Variants in ZSCAN20 observed in about 807,000 individuals in gnomAD.
ZSCAN20 encodes zinc finger and SCAN domain containing 20.
In ZSCAN20, 39 loss-of-function variants were observed where a neutral mutation model predicts 97.1. The ratio of observed to expected loss-of-function variants is 0.40; its 90% CI spans 0.31 to 0.52. The LOEUF (loss-of-function observed/expected upper bound fraction) is 0.52, where lower values mean the gene tolerates loss of function less well. ZSCAN20 is among the 20% of genes least tolerant of loss of function. The pLI is 0.49. For missense variants in ZSCAN20, 1,115 were observed against 1,290.4 expected (o/e 0.86, Z 2.08); for synonymous variants, 456 against 467.3 (o/e 0.98, Z 0.31).
At chr1:33,486,403 T>C (rs1417445463) in intron 2 of ZSCAN20, among the ~76,000 whole-genome samples, 1 of 152,242 alleles carries the variant, frequency 6.6e-6, no homozygotes, top group African/African-American at 2.4e-5. Context: ...TCTCTGATTC[T>C]ACCTGTTTGT....
intron 3 of ZSCAN20, 47 bp downstream of exon 3, chr1:33,488,698 G>T: frequency 6.4e-7 from 1 of 1,572,236 alleles, no homozygotes; most frequent in Non-Finnish European, 8.6e-7. Flanking sequence ...CTGCAGGGGA[G>T]AGGGATGGGA....
chr1:33,491,899 T>C lies in ZSCAN20; in HGVS notation c.1444+197T>C. On this transcript the variant is annotated intron_variant, in intron 6 of 7. Coordinates refer to ENST00000684572, the MANE Select transcript of ZSCAN20 (RefSeq NM_001377376.1). The surrounding 1 kb of genome is among the most constrained non-coding windows in gnomAD (Gnocchi z 4.3). ...CTCTTTGCAAAAGTCTTCTTAGTTA[T>C]AGAAGCAAACATTTTTAAAGCCTTA... 2.0e-6 allele frequency: 1 copy of C among 488,980 alleles called. No homozygotes were observed. The highest frequency in any genetic ancestry group is 3.4e-6 in the Non-Finnish European group (1 of 292,018). The allele number at this position is 488,980 out of a possible 1,614,324, so 30.3% of individuals were successfully genotyped here. A position where few individuals can be genotyped will look rare whatever the true frequency, so the allele number is the denominator to read the frequency against.
intron 6 of ZSCAN20, chr1:33,492,658 C>G (rs748969654): frequency 9.2e-5 from 14 of 151,760 alleles, no homozygotes; most frequent in Non-Finnish European, 2.1e-4. Context: ...CACCTGTAAT[C>G]CCAGCTACTC....
In ZSCAN20 at chr1:33,489,193, T is replaced by C. The variant is rs1369217581; in HGVS notation, c.681+2T>C. 2 of 1,613,530 alleles carry C rather than the reference T, an allele frequency of 1.2e-6. No homozygotes were observed. The highest frequency in any genetic ancestry group is 1.7e-6 in the Non-Finnish European group (2 of 1,179,654). On this transcript the variant is annotated splice_donor_variant, in intron 4 of 7. Coordinates refer to ENST00000684572, the MANE Select transcript of ZSCAN20 (RefSeq NM_001377376.1). LOFTEE classifies it high-confidence loss of function. ...TGGGAGGTGACAGCTGAGTCCCAGG[T>C]AAGCTGTTACTCGTTCTTCCTTTCC...
rs1322988185 is a variant in ZSCAN20, at chr1:33,491,426, G to A, written c.1168G>A (p.Ala390Thr). The A allele has an allele frequency of 6.2e-7, 1 of 1,614,210 alleles. No individual in the cohort carries two copies. Among genetic ancestry groups the A allele is most frequent in the East Asian group, 2.2e-5 (1 of 44,890 alleles). ...VKNLLRNYRK[A>T]KSSHPPGTCP... ...AAACCTCCTACGGAATTACCGGAAA[G>A]CCAAGAGCAGCCACCCACCAGGTAC... is the stretch of plus-strand genomic sequence containing the variant. Residue 390 changes from alanine (A) to threonine (T), a missense_variant, in exon 6 of 8, where the codon GCC becomes ACC. Ala to Thr is a moderately conservative substitution (Grantham distance 58, BLOSUM62 0). Coordinates refer to ENST00000684572, the MANE Select transcript of ZSCAN20 (RefSeq NM_001377376.1). This position sits in a 1 kb window ranked among gnomAD's most constrained non-coding sequence, Gnocchi z 4.3.
In ZSCAN20 at chr1:33,489,583, T is replaced by C; in HGVS notation, c.747T>C (p.Cys249=). 6.2e-7 allele frequency: 1 copy of C among 1,614,128 alleles called. No homozygotes were observed. The highest frequency in any genetic ancestry group is 8.5e-7 in the Non-Finnish European group (1 of 1,179,994). ...GTAAAGACCCCCCAGGAGACGACTG[T>C]GGGAACAGCGTGTGCCTGGGTAAGG... ...ELCKDPPGDD[C]GNSVCLGVPV... Residue 249 remains cysteine (C), a synonymous_variant, in exon 5 of 8, where the codon TGT becomes TGC. Transcript: ENST00000684572.
At position 33,501,536 on chromosome 1, in the gene ZSCAN20, A is replaced by ATT. The variant is rs34549868; in HGVS notation, c.*6073_*6074dup. 0.22 allele frequency among the ~76,000 whole-genome samples: 29,478 copies of ATT among 136,530 alleles called. 3,781 individuals carry two copies. The highest frequency in any genetic ancestry group is 0.33 in the African/African-American group (12,035 of 36,830). The allele number at this position is 136,530 out of a possible 152,430, so 89.6% of individuals were successfully genotyped here. A position where few individuals can be genotyped will look rare whatever the true frequency, so the allele number is the denominator to read the frequency against. On this transcript the variant is annotated 3_prime_UTR_variant, in exon 8 of 8. Coordinates refer to ENST00000684572, the MANE Select transcript of ZSCAN20 (RefSeq NM_001377376.1). ...TGCTTTCACTTCCCCATTTTCTGTT[A>ATT]TTTTTTTTTTTTTTGTGCTGTTATG...
At chr1:33,475,868 C>T (rs1388725948) in intron 1 of ZSCAN20, among the ~76,000 whole-genome samples, 1 of 150,958 alleles carries the variant, frequency 6.6e-6, no homozygotes, top group African/African-American at 2.4e-5. Flanking sequence ...CAGGGTTTCA[C>T]CATGTTGGCC....
At position 33,500,317 on chromosome 1, in the gene ZSCAN20, CTGTT is replaced by C; in HGVS notation, c.*4842_*4845del. ...GTGTGCCGCATCTCTCACCTAGTCT[CTGTT>C]AGGAACCCTACAGGAGCCTGCACCC... is the stretch of plus-strand genomic sequence containing the variant. On this transcript the variant is annotated 3_prime_UTR_variant, in exon 8 of 8. Coordinates refer to ENST00000684572, the MANE Select transcript of ZSCAN20 (RefSeq NM_001377376.1). Among the ~76,000 whole-genome samples, 1 of 152,254 alleles carries C rather than the reference CTGTT, an allele frequency of 6.6e-6. No homozygotes were observed. Among genetic ancestry groups the C allele is most frequent in the East Asian group, 1.9e-4 (1 of 5,160 alleles).
At position 33,495,482 on chromosome 1, in the gene ZSCAN20, A is replaced by G. The variant is rs756345112; in HGVS notation, c.*6A>G. On this transcript the variant is annotated 3_prime_UTR_variant, in exon 8 of 8. Transcript: ENST00000684572. ...CAGGAGGGAAGGCGTCGTAGGGGAC[A>G]GTTTCCTCAACAACAAAGGAGGACT... The G allele has an allele frequency of 1.3e-6, 2 of 1,504,850 alleles. No homozygotes were observed. The highest frequency in any genetic ancestry group is 2.2e-5 in the Admixed American group (1 of 45,038). 93.2% of individuals were successfully genotyped at this position (1,504,850 alleles called of 1,614,324 possible).
At position 33,491,882 on chromosome 1, in the gene ZSCAN20, A is replaced by G. The variant is rs1232606545; in HGVS notation, c.1444+180A>G. On this transcript the variant is annotated intron_variant, in intron 6 of 7. Coordinates refer to ENST00000684572, the MANE Select transcript of ZSCAN20 (RefSeq NM_001377376.1). The surrounding 1 kb of genome is among the most constrained non-coding windows in gnomAD (Gnocchi z 4.3). Reference sequence around the variant, plus strand: ...TTTTCCCATGACCAAGTCTCTTTGCAAAAGTCTTCTTAGTTATAGAAGCAA... The same window carrying G: ...TTTTCCCATGACCAAGTCTCTTTGCGAAAGTCTTCTTAGTTATAGAAGCAA... The G allele has an allele frequency of 5.5e-6, 3 of 550,194 alleles. No homozygotes were observed. In the East Asian group the frequency reaches 9.2e-5, roughly 17 times the overall value. The allele number at this position is 550,194 out of a possible 1,614,324, so 34.1% of individuals were successfully genotyped here.
At chr1:33,483,452 A>G (rs1004565718) in intron 2 of ZSCAN20, among the ~76,000 whole-genome samples, 4 of 152,116 alleles carry the variant, frequency 2.6e-5, no homozygotes, top group Admixed American at 2.6e-4. Flanking sequence ...TATAGTTTAT[A>G]GTAAATCTTG....
chr1:33,493,580 A>G lies in ZSCAN20; in HGVS notation c.1838A>G (p.Lys613Arg), dbSNP rs1315666112. ...GAAGTGGCCAATGAAGATGCTGTCA[A>G]ACCTTCAACCTTGTGTCCTAAAGCC... ...WGEVANEDAV[K>R]PSTLCPKAPD... Residue 613 changes from lysine to arginine, a missense_variant, in exon 7 of 8, where the codon AAA (lysine) becomes AGA (arginine). Around this residue, in one of 3 missense-constraint regions of ZSCAN20, gnomAD observed 554 missense variants for 584.9 expected, o/e 0.95. Transcript: ENST00000684572. This position sits in a 1 kb window ranked among gnomAD's most constrained non-coding sequence, Gnocchi z 4.3. The G allele has an allele frequency of 2.5e-6, 4 of 1,598,376 alleles. No homozygotes were observed. Among genetic ancestry groups the G allele is most frequent in the African/African-American group, 1.3e-5 (1 of 74,558 alleles).
rs1652937186 is a variant in ZSCAN20 at position 33,498,043 on chromosome 1, C to A, written c.*2567C>A. Among the ~76,000 whole-genome samples the A allele has an allele frequency of 6.6e-6, 1 of 152,124 alleles. No individual in the cohort carries two copies. The highest frequency in any genetic ancestry group is 2.1e-4 in the South Asian group (1 of 4,830). Reference sequence around the variant, plus strand: ...TCAGTTTCAAATATTGGGCCTAGGACAGAGCTACTTGATAGTGCTGAATGG... The same window carrying A: ...TCAGTTTCAAATATTGGGCCTAGGAAAGAGCTACTTGATAGTGCTGAATGG... On this transcript the variant is annotated 3_prime_UTR_variant, in exon 8 of 8. Coordinates refer to ENST00000684572, the MANE Select transcript of ZSCAN20 (RefSeq NM_001377376.1).
chr1:33,487,713 G>A (rs1204840285), intron 2 of ZSCAN20, among the ~76,000 whole-genome samples: 12 of 152,154 alleles, frequency 7.9e-5, no homozygotes, highest in Admixed American at 7.2e-4. Flanking sequence ...CATGATCATA[G>A]GTCACTGGTA....
intron 2 of ZSCAN20, among the ~76,000 whole-genome samples, chr1:33,487,861 AGGCTGGTCTTGAACCCTT>A (rs1449599933): frequency 6.6e-6 from 1 of 152,134 alleles, no homozygotes. Context: ...TATGTTGCCC[AGGCTGGTCTTGAACCCTT>A]GGCATCAAGT....
intron 1 of ZSCAN20, among the ~76,000 whole-genome samples, chr1:33,478,135 T>C (rs1033823812): frequency 1.3e-5 from 2 of 152,028 alleles, no homozygotes; most frequent in Admixed American, 6.6e-5. Context: ...AGGGAAATGG[T>C]AGATCACTGG....
chr1:33,488,258 C>T (rs371872068), intron 2 of ZSCAN20, among the ~76,000 whole-genome samples: 2 of 152,130 alleles, frequency 1.3e-5, no homozygotes, highest in Non-Finnish European at 2.9e-5. Context: ...ACACTTGGAT[C>T]GCCACCCTGT....
In ZSCAN20 at chr1:33,493,360, T is replaced by C; in HGVS notation, c.1618T>C (p.Phe540Leu). The stretch of plus-strand genomic sequence containing the variant: ...GACACTGGAGCAGTGTCGCTACAGA[T>C]TCAAAAACCTCCTTCGAAGCTACCG... Reference protein sequence around the residue: ...LRTLEQCRYRFKNLLRSYRKA... With the variant: ...LRTLEQCRYRLKNLLRSYRKA... The change falls in exon 7 of 8, where the codon TTC (phenylalanine) becomes CTC (leucine). Residue 540 changes from phenylalanine to leucine, a missense_variant. Around this residue, in one of 3 missense-constraint regions of ZSCAN20, gnomAD observed 53 missense variants for 94.3 expected, o/e 0.56. Coordinates refer to ENST00000684572, the MANE Select transcript of ZSCAN20 (RefSeq NM_001377376.1). This position sits in a 1 kb window ranked among gnomAD's most constrained non-coding sequence, Gnocchi z 4.3. The C allele has an allele frequency of 6.2e-7, 1 of 1,614,086 alleles. No homozygotes were observed. Among genetic ancestry groups the C allele is most frequent in the East Asian group, 2.2e-5 (1 of 44,872 alleles).
Sources: allele counts gnomAD v4.1 joint callset (sites outside exome capture counted in the v4.1 genomes callset), GRCh38; gene constraint gnomAD v4.1.1; regional missense constraint gnomAD v4.1.1; non-coding constraint Gnocchi (gnomAD v3.1); transcripts MANE v1.5; gene names NCBI Gene and HGNC (gene_info 2026-07-23, HGNC 2026-07-21).